HCN2: variants seen among roughly 807,000 people sequenced by gnomAD.
HCN2 encodes the protein potassium/sodium hyperpolarization-activated cyclic nucleotide-gated channel 2.
Under a neutral mutation model 52.3 loss-of-function variants are expected in HCN2, and 20 were observed. The observed-to-expected ratio is 0.38, with a 90% CI of 0.27 to 0.56. The LOEUF (loss-of-function observed/expected upper bound fraction) is 0.56, where lower values mean the gene tolerates loss of function less well. HCN2 is among the 20% of genes least tolerant of loss of function. The probability of loss-of-function intolerance (pLI) is 0.71; values close to 1 mark genes in which losing one functional copy is unlikely to be tolerated. For synonymous variants in HCN2, 694 were observed against 537.0 expected (o/e 1.29, Z -4.04); for missense variants, 981 against 1,207.7 (o/e 0.81, Z 2.78).
intron 1 of HCN2, among the ~76,000 whole-genome samples, chr19:594,071 T>A (rs1347850816): frequency 6.6e-6 from 1 of 150,538 alleles, no homozygotes; most frequent in African/African-American, 2.5e-5. Flanking sequence ...GGGCAGGGGC[T>A]GGAGGTCTCT....
In HCN2 at chr19:596,557, G is replaced by A. The variant is rs370992324; in HGVS notation, c.632+5980G>A. On this transcript the variant is annotated intron_variant, in intron 1 of 7. Coordinates refer to ENST00000251287, the MANE Select transcript of HCN2 (RefSeq NM_001194.4). ...CGTAGAGGCCTCACTGTTACCTGTCGGGGATGGGTTTTAAATACAGGATTT... is the reference window on the plus strand; with the variant it reads ...CGTAGAGGCCTCACTGTTACCTGTCAGGGATGGGTTTTAAATACAGGATTT... Among the ~76,000 whole-genome samples, 6 of 152,336 alleles carry A rather than the reference G, an allele frequency of 3.9e-5. No homozygotes were observed. In the East Asian group the frequency reaches 5.8e-4, roughly 15 times the overall value.
chr19:590,838 G>A lies in HCN2; in HGVS notation c.632+261G>A. ...GACATCCTCCGCCCTGCGGCGCGGC[G>A]GGTGGGGTGGGCCGCAGGGCCAGGG... On this transcript the variant is annotated intron_variant, in intron 1 of 7. Coordinates refer to ENST00000251287, the MANE Select transcript of HCN2 (RefSeq NM_001194.4). The surrounding 1 kb of genome is among the most constrained non-coding windows in gnomAD (Gnocchi z 7.2). 1 of 251,102 alleles carries A rather than the reference G, an allele frequency of 4.0e-6. No homozygotes were observed. The highest frequency in any genetic ancestry group is 7.6e-6 in the Non-Finnish European group (1 of 132,184). 15.6% of individuals were successfully genotyped at this position (251,102 alleles called of 1,614,324 possible). A position where few individuals can be genotyped will look rare whatever the true frequency, so the allele number is the denominator to read the frequency against.
At chr19:608,485 T>TG (rs1231215046) in intron 4 of HCN2, among the ~76,000 whole-genome samples, 3 of 146,882 alleles carry the variant, frequency 2.0e-5, no homozygotes, top group Admixed American at 6.8e-5. Flanking sequence ...CAGGGGACCC[T>TG]GGGGGTCTGT....
chr19:601,903 GGACTT>G (rs1568363239), intron 1 of HCN2, among the ~76,000 whole-genome samples: 1 of 151,994 alleles, frequency 6.6e-6, no homozygotes, highest in Non-Finnish European at 1.5e-5. Flanking sequence ...TCCACCTTGG[GGACTT>G]GGACTCTGGC....
At chr19:610,008 C>T (rs532754426) in intron 4 of HCN2, among the ~76,000 whole-genome samples, 11 of 152,246 alleles carry the variant, frequency 7.2e-5, no homozygotes, top group Non-Finnish European at 1.5e-4. Context: ...TGGCGGAGGC[C>T]TGTCTCCCCG....
chr19:597,011 C>T (rs754717571), intron 1 of HCN2, among the ~76,000 whole-genome samples: 1 of 152,182 alleles, frequency 6.6e-6, no homozygotes, highest in African/African-American at 2.4e-5. Flanking sequence ...CATGCGTGGG[C>T]GCCCTTCTTC....
intron 1 of HCN2, among the ~76,000 whole-genome samples, chr19:599,680 C>T (rs529813628): frequency 2.6e-4 from 39 of 151,762 alleles, no homozygotes; most frequent in Admixed American, 1.2e-3. Context: ...CCCAGCTACT[C>T]GGGAGGGTGA....
Position 616,215 on chromosome 19 carries a change from C to T in HCN2, c.2411C>T (p.Ala804Val), listed in dbSNP as rs979685610. 11 of 987,728 alleles carry T rather than the reference C, an allele frequency of 1.1e-5. No homozygotes were observed. The African/African-American group carries it at 1.9e-4, about 17-fold the overall frequency. The allele number at this position is 987,728 out of a possible 1,614,324, so 61.2% of individuals were successfully genotyped here. ...PYGGLPAAPL[A>V]GPALPARRLS... ...GGCGGCCTGCCCGCCGCCCCCCTTG[C>T]TGGGCCCGCCCTGCCCGCGCGCCGC... The change falls in exon 8 of 8, where the codon GCT becomes GTT. Residue 804 changes from alanine to valine, a missense_variant. Ala to Val is a moderately conservative substitution (Grantham distance 64). Transcript: ENST00000251287.
At chr19:595,918 G>A (rs559617702) in intron 1 of HCN2, among the ~76,000 whole-genome samples, 2 of 152,272 alleles carry the variant, frequency 1.3e-5, no homozygotes, top group South Asian at 4.1e-4. Context: ...CCTCCGGCCT[G>A]AGGCTGGGCT....
At chr19:611,195 T>C (rs1341001402) in intron 5 of HCN2, among the ~76,000 whole-genome samples, 1 of 152,222 alleles carries the variant, frequency 6.6e-6, no homozygotes, top group East Asian at 1.9e-4. Flanking sequence ...AGCCTGTCTT[T>C]CTGGGAGATG....
rs568909728 is a variant in HCN2, at chr19:594,218, C to T, written c.632+3641C>T. On this transcript the variant is annotated intron_variant, in intron 1 of 7. Coordinates refer to ENST00000251287, the MANE Select transcript of HCN2 (RefSeq NM_001194.4). ...TGCTGTCATCCACCCTCCCTGCCCCCGGTGTCACCGAGGGGGCTGGGCAGA... is the reference window on the plus strand; with the variant it reads ...TGCTGTCATCCACCCTCCCTGCCCCTGGTGTCACCGAGGGGGCTGGGCAGA... Among the ~76,000 whole-genome samples the T allele has an allele frequency of 7.7e-4, 116 of 151,452 alleles. 2 individuals carry two copies. The highest frequency in any genetic ancestry group is 1.2e-3 in the Non-Finnish European group (82 of 67,808).
chr19:595,955 GC>G (rs959473300), intron 1 of HCN2, among the ~76,000 whole-genome samples: 20 of 152,222 alleles, frequency 1.3e-4, no homozygotes, highest in Admixed American at 5.9e-4. Flanking sequence ...GGCTGCCCTC[GC>G]CCGTTCCCCA....
At position 602,439 on chromosome 19, in the gene HCN2, C is replaced by T. The variant is rs529656393; in HGVS notation, c.633-1105C>T. ...TTCCTCCTCTCTCCTCCTGCGTGGA[C>T]GCCCCACTTCCTCTGGAAATGCAGC... On this transcript the variant is annotated intron_variant, in intron 1 of 7. Transcript: ENST00000251287. Among the ~76,000 whole-genome samples the T allele has an allele frequency of 1.6e-4, 25 of 151,958 alleles. No homozygotes were observed. In the South Asian group the frequency reaches 2.9e-3, roughly 18 times the overall value.
At position 616,895 on chromosome 19, in the gene HCN2, G is replaced by A. The variant is rs1378363573; in HGVS notation, c.*421G>A. On this transcript the variant is annotated 3_prime_UTR_variant, in exon 8 of 8. Coordinates refer to ENST00000251287, the MANE Select transcript of HCN2 (RefSeq NM_001194.4). ...ATACTTGGCCCGCCGGCTTCCCGCTGCCCCCATCGCGCTCACGCAATAACC... is the reference window on the plus strand; with the variant it reads ...ATACTTGGCCCGCCGGCTTCCCGCTACCCCCATCGCGCTCACGCAATAACC... 5 of 288,304 alleles carry A rather than the reference G, an allele frequency of 1.7e-5. No homozygotes were observed. Among genetic ancestry groups the A allele is most frequent in the Admixed American group, 5.1e-5 (1 of 19,716 alleles). The allele number at this position is 288,304 out of a possible 1,614,324, so 17.9% of individuals were successfully genotyped here.
At chr19:604,627 G>A (rs1193615424) in intron 2 of HCN2, among the ~76,000 whole-genome samples, 4 of 141,368 alleles carry the variant, frequency 2.8e-5, no homozygotes, top group Admixed American at 6.9e-5. Flanking sequence ...TGTGCTGGGC[G>A]GGGTCAGGCA....
rs535006837 is a variant in HCN2 at position 591,889 on chromosome 19, C to T, written c.632+1312C>T. On this transcript the variant is annotated intron_variant, in intron 1 of 7. Transcript: ENST00000251287. The surrounding 1 kb of genome is among the most constrained non-coding windows in gnomAD (Gnocchi z 4.1). ...GGGGCACATGCGTCCTGGACAGAGC[C>T]TGGAGGAAGGCCCTGGAATCCTCCT... 6.6e-6 allele frequency among the ~76,000 whole-genome samples: 1 copy of T among 152,294 alleles called. No individual in the cohort carries two copies. The highest frequency in any genetic ancestry group is 1.9e-4 in the East Asian group (1 of 5,180).
chr19:613,632 T>TCC (rs1568368708), intron 6 of HCN2, 144 bp downstream of exon 6: 2 of 30,176 alleles, frequency 6.6e-5, no homozygotes, highest in Admixed American at 9.2e-4. Context: ...GGGATGGGGA[T>TCC]GGGGCCGGGG....
chr19:598,387 GCCT>G (rs1983101680), intron 1 of HCN2, among the ~76,000 whole-genome samples: 1 of 150,630 alleles, frequency 6.6e-6, no homozygotes. Flanking sequence ...GCTCACTGCA[GCCT>G]CGACTTCATG....
chr19:601,707 C>T (rs752374157), intron 1 of HCN2, among the ~76,000 whole-genome samples: 13 of 152,140 alleles, frequency 8.5e-5, no homozygotes, highest in South Asian at 6.2e-4. Flanking sequence ...GTGTTTGCTC[C>T]GAGTCGTTTT....
Sources: gnomAD v4.1 joint callset for allele counts (sites outside exome capture counted in the v4.1 genomes callset) on GRCh38, gnomAD v4.1.1 for gene constraint, Gnocchi (gnomAD v3.1) non-coding constraint, MANE v1.5 for transcripts, NCBI Gene and HGNC (gene_info 2026-07-23, HGNC 2026-07-21) for gene names.